Variants in COL1A1 observed in about 807,000 individuals in gnomAD.
COL1A1 encodes collagen alpha-1(I) chain.
In COL1A1, 21 loss-of-function variants were observed where a neutral mutation model predicts 195.7. That is an observed-to-expected ratio of 0.11 (90% CI 0.08 to 0.15). COL1A1 has a LOEUF of 0.15. Ranked by LOEUF, COL1A1 falls within the 10% of genes least tolerant of loss-of-function variation. COL1A1 has a pLI of 1.00. For missense variants in COL1A1, 1,365 were observed against 2,051.0 expected (o/e 0.67, Z 6.46); for synonymous variants, 749 against 747.3 (o/e 1.00, Z -0.04).
chr17:50,201,159 C>T (rs573982274), intron 1 of COL1A1, among the ~76,000 whole-genome samples: 6 of 152,334 alleles, frequency 3.9e-5, no homozygotes, highest in Admixed American at 2.0e-4. Flanking sequence ...CGGTTGCGCG[C>T]TCGGGATTCT....
intron 14 of COL1A1, 25 bp downstream of exon 14, chr17:50,196,289 C>A: frequency 6.2e-7 from 1 of 1,607,918 alleles, no homozygotes. Context: ...GCTCAGGGAT[C>A]CCCCAAGGGG....
chr17:50,196,907 C>A, intron 11 of COL1A1, 103 bp downstream of exon 11: 3 of 1,364,380 alleles, frequency 2.2e-6, no homozygotes, highest in Non-Finnish European at 3.1e-6. Context: ...TCTGTAGCTG[C>A]CACCCACCAT....
Position 50,185,992 on chromosome 17 carries a change from G to A in COL1A1, c.4034C>T (p.Pro1345Leu). The change falls in exon 50 of 51, where the codon CCT becomes CTT. Residue 1345 changes from proline (P) to leucine (L), a missense_variant. By Grantham distance (98) the Pro-to-Leu change is moderately conservative. Coordinates refer to ENST00000225964, the MANE Select transcript of COL1A1 (RefSeq NM_000088.4). Reference sequence around the variant, plus strand: ...GGTCAGCTGGATGGCCACATCGGCAGGGTCGGAGCCCTGGCCGCCATACTC... The same window carrying A: ...GGTCAGCTGGATGGCCACATCGGCAAGGTCGGAGCCCTGGCCGCCATACTC... ...QFEYGGQGSDPADVAIQLTFL... is the reference protein window; with the variant it reads ...QFEYGGQGSDLADVAIQLTFL... The A allele has an allele frequency of 6.2e-7, 1 of 1,613,276 alleles. No homozygotes were observed. The highest frequency in any genetic ancestry group is 2.2e-5 in the East Asian group (1 of 44,882).
Position 50,198,524 on chromosome 17 carries a change from TC to T in COL1A1, c.472-21del. Reference sequence around the variant, plus strand: ...AAAGTTCTAGAACAAACAAGAGAAGTCAGAGTGAGGACAGTGAATTGAAAGG... The same window carrying T: ...AAAGTTCTAGAACAAACAAGAGAAGTAGAGTGAGGACAGTGAATTGAAAGG... On this transcript the variant is annotated intron_variant, in intron 5 of 50. Transcript: ENST00000225964. 6.2e-7 allele frequency: 1 copy of T among 1,602,074 alleles called. No homozygotes were observed. Among genetic ancestry groups the T allele is most frequent in the Non-Finnish European group, 8.5e-7 (1 of 1,172,332 alleles).
chr17:50,185,564 A>G lies in COL1A1; in HGVS notation c.4333T>C (p.Leu1445=). The G allele has an allele frequency of 6.2e-7, 1 of 1,612,682 alleles. No individual in the cohort carries two copies. Among genetic ancestry groups the G allele is most frequent in the Non-Finnish European group, 8.5e-7 (1 of 1,179,708 alleles). ...SRLPIIDVAP[L]DVGAPDQEFG... is the part of the protein sequence containing the mutation. ...TCCTGGTCTGGGGCACCAACGTCCA[A>G]GGGGGCCACATCGATGATGGGCAGG... Residue 1445 remains leucine, a synonymous_variant, in exon 51 of 51, where the codon TTG becomes CTG. Transcript: ENST00000225964.
At chr17:50,187,826 C>T in intron 45 of COL1A1, 50 bp downstream of exon 45, 4 of 1,492,092 alleles carry the variant, frequency 2.7e-6, no homozygotes, top group Non-Finnish European at 3.6e-6. Flanking sequence ...AGCTCCCCCT[C>T]CTATCCCACA....
rs747108049 is a variant in COL1A1 at position 50,197,726 on chromosome 17, A to G, written c.696+6T>C. 1.3e-5 allele frequency: 21 copies of G among 1,582,088 alleles called. No individual in the cohort carries two copies. Among genetic ancestry groups the G allele is most frequent in the Non-Finnish European group, 1.8e-5 (21 of 1,168,358 alleles). ...CAGATGGTATCTTCTTGCTGGGGATACTTACATCATCTCCATTCTTTCCAG... is the reference window on the plus strand; with the variant it reads ...CAGATGGTATCTTCTTGCTGGGGATGCTTACATCATCTCCATTCTTTCCAG... On this transcript the variant is annotated splice_donor_region_variant and intron_variant, in intron 9 of 50. Transcript: ENST00000225964.
Position 50,188,401 on chromosome 17 carries a change from T to G in COL1A1, c.3207+129A>C. 2 of 1,035,570 alleles carry G rather than the reference T, an allele frequency of 1.9e-6. No individual in the cohort carries two copies. Among genetic ancestry groups the G allele is most frequent in the Admixed American group, 1.9e-5 (1 of 52,336 alleles). The allele number at this position is 1,035,570 out of a possible 1,614,324, so 64.1% of individuals were successfully genotyped here. A position where few individuals can be genotyped will look rare whatever the true frequency, so the allele number is the denominator to read the frequency against. On this transcript the variant is annotated intron_variant, in intron 43 of 50. Transcript: ENST00000225964. The surrounding 1 kb of genome is among the most constrained non-coding windows in gnomAD (Gnocchi z 5.6). ...AACTCAGTTTTTTGGATTAAGGCCC[T>G]GACATCTTGCAGGATCTCCTTTCCT... is the stretch of plus-strand genomic sequence containing the variant.
Position 50,198,145 on chromosome 17 carries a change from C to A in COL1A1, c.588+16G>T, listed in dbSNP as rs191715075. 5 of 1,613,946 alleles carry A rather than the reference C, an allele frequency of 3.1e-6. No homozygotes were observed. Among genetic ancestry groups the A allele is most frequent in the East Asian group, 2.2e-5 (1 of 44,892 alleles). The stretch of plus-strand genomic sequence containing the variant: ...CAAAGCCCAAGGAGGCATATGAAGA[C>A]GTCCTGGATACTCACAGGTGCACCA... On this transcript the variant is annotated intron_variant, in intron 7 of 50. Coordinates refer to ENST00000225964, the MANE Select transcript of COL1A1 (RefSeq NM_000088.4).
rs781680401 is a variant in COL1A1, at chr17:50,186,642, C to T, written c.3812G>A (p.Ser1271Asn). The T allele has an allele frequency of 3.1e-6, 5 of 1,613,612 alleles. No individual in the cohort carries two copies. The highest frequency in any genetic ancestry group is 4.2e-6 in the Non-Finnish European group (5 of 1,180,024). ...DLKMCHSDWK[S>N]GEYWIDPNQG... ...GAGAGGCTAGGGCAGGCCCTCACCA[C>T]TCTTCCAGTCAGAGTGGCACATCTT... The change falls in exon 48 of 51, where the codon AGT becomes AAT. Residue 1271 changes from serine to asparagine, a missense_variant and splice_region_variant. By Grantham distance (46) the Ser-to-Asn change is conservative. Around this residue, in one of 5 missense-constraint regions of COL1A1, gnomAD observed 273 missense variants for 338.6 expected, o/e 0.81. Coordinates refer to ENST00000225964, the MANE Select transcript of COL1A1 (RefSeq NM_000088.4). This position sits in a 1 kb window ranked among gnomAD's most constrained non-coding sequence, Gnocchi z 5.3.
At chr17:50,198,582 ACAT>A (rs1907805889) in intron 5 of COL1A1, 78 bp from the exon 6 acceptor site, 2 of 1,097,978 alleles carry the variant, frequency 1.8e-6, no homozygotes, top group South Asian at 2.7e-5. Flanking sequence ...GAAGAAACTG[ACAT>A]CATGCACTTC....
intron 9 of COL1A1, 82 bp downstream of exon 9, chr17:50,197,650 A>T: frequency 8.6e-7 from 1 of 1,162,360 alleles, no homozygotes; most frequent in Non-Finnish European, 1.2e-6. Flanking sequence ...TATCGTTCCC[A>T]AATGTGGTGG....
At position 50,190,127 on chromosome 17, in the gene COL1A1, C is replaced by A. The variant is rs762402176; in HGVS notation, c.2452-19G>T. ...CAGCACCCTGGGGGAGGAAGCAGGG[C>A]GGTGAATGGAGGGAAGGAGGCAGGA... On this transcript the variant is annotated intron_variant, in intron 35 of 50. Coordinates refer to ENST00000225964, the MANE Select transcript of COL1A1 (RefSeq NM_000088.4). This position sits in a 1 kb window ranked among gnomAD's most constrained non-coding sequence, Gnocchi z 4.7. The A allele has an allele frequency of 2.5e-5, 40 of 1,604,704 alleles. No homozygotes were observed. The highest frequency in any genetic ancestry group is 3.3e-5 in the Non-Finnish European group (39 of 1,171,870).
rs1374010152 is a variant in COL1A1 at position 50,186,817 on chromosome 17, C to T, written c.3637G>A (p.Gly1213Ser). ...GCATCATCAGCCCGGTAGTAGCGGC[C>T]ACCATCGTGAGCCTTCTCTTGAGGT... ...QPPQEKAHDG[G>S]RYYRADDANV... is the part of the protein sequence containing the mutation. The change falls in exon 48 of 51, where the codon GGC becomes AGC. Residue 1213 changes from glycine to serine, a missense_variant. Transcript: ENST00000225964. This position sits in a 1 kb window ranked among gnomAD's most constrained non-coding sequence, Gnocchi z 5.3. 2.5e-6 allele frequency: 4 copies of T among 1,614,026 alleles called. No homozygotes were observed. The highest frequency in any genetic ancestry group is 1.3e-5 in the African/African-American group (1 of 74,922).
rs1204887741 is a variant in COL1A1 at position 50,199,672 on chromosome 17, A to G, written c.298+81T>C. ...GCAGAGGCCTCCAGCACGGAGGGCC[A>G]GCGAGCGCCGACCACCCCCAGCCCC... On this transcript the variant is annotated intron_variant, in intron 2 of 50. Transcript: ENST00000225964. 7 of 1,608,330 alleles carry G rather than the reference A, an allele frequency of 4.4e-6. No homozygotes were observed. The African/African-American group carries it at 8.1e-5, about 19-fold the overall frequency.
At position 50,189,586 on chromosome 17, in the gene COL1A1, A is replaced by C; in HGVS notation, c.2668-48T>G. On this transcript the variant is annotated intron_variant, in intron 38 of 50. Coordinates refer to ENST00000225964, the MANE Select transcript of COL1A1 (RefSeq NM_000088.4). The surrounding 1 kb of genome is among the most constrained non-coding windows in gnomAD (Gnocchi z 5.5). The stretch of plus-strand genomic sequence containing the variant: ...GTCAGACTCCAGGGGGCTCTGGTGC[A>C]TCATTGGGTCCTCAGTCAGCCCCAC... 1 of 1,612,262 alleles carries C rather than the reference A, an allele frequency of 6.2e-7. No homozygotes were observed. Among genetic ancestry groups the C allele is most frequent in the Non-Finnish European group, 8.5e-7 (1 of 1,179,112 alleles).
intron 45 of COL1A1, 41 bp from the exon 46 acceptor site, chr17:50,187,578 G>A (rs368378722): frequency 7.1e-5 from 114 of 1,605,730 alleles, no homozygotes; most frequent in South Asian, 2.6e-4. Flanking sequence ...CCCAGTGAGC[G>A]TCAAATGTAG....
At chr17:50,199,026 A>C (rs947828331) in intron 5 of COL1A1, among the ~76,000 whole-genome samples, 200 bp downstream of exon 5, 7 of 152,238 alleles carry the variant, frequency 4.6e-5, no homozygotes, top group African/African-American at 1.7e-4. Context: ...CAAACAGTTC[A>C]GAAAAAAAAA....
In COL1A1 at chr17:50,186,849, G is replaced by A; in HGVS notation, c.3605C>T (p.Pro1202Leu). 1 of 1,614,158 alleles carries A rather than the reference G, an allele frequency of 6.2e-7. No homozygotes were observed. Among genetic ancestry groups the A allele is most frequent in the Non-Finnish European group, 8.5e-7 (1 of 1,180,050 alleles). ...GTGAGCCTTCTCTTGAGGTGGCTGG[G>A]GCAGGAAGCTGAAGTCGAAACCAGC... ...PSAGFDFSFL[P>L]QPPQEKAHDG... Residue 1202 changes from proline (P) to leucine (L), a missense_variant, in exon 48 of 51, where the codon CCC becomes CTC. Pro to Leu is a moderately conservative substitution (Grantham distance 98). This residue lies in a region of COL1A1 where 671 missense variants were observed against 1,099.9 expected (regional missense o/e 0.61). Coordinates refer to ENST00000225964, the MANE Select transcript of COL1A1 (RefSeq NM_000088.4). This position sits in a 1 kb window ranked among gnomAD's most constrained non-coding sequence, Gnocchi z 5.3.
Sources: allele counts gnomAD v4.1 joint callset (sites outside exome capture counted in the v4.1 genomes callset), GRCh38; gene constraint gnomAD v4.1.1; regional missense constraint gnomAD v4.1.1; non-coding constraint Gnocchi (gnomAD v3.1); transcripts MANE v1.5; gene names NCBI Gene and HGNC (gene_info 2026-07-23, HGNC 2026-07-21).